Variants in ADGRB3 observed in about 807,000 individuals in gnomAD.
ADGRB3 encodes brain-specific angiogenesis inhibitor 3.
ADGRB3 carries 37 observed loss-of-function variants against 193.4 expected under a neutral mutation model. The observed-to-expected ratio is 0.19, with a 90% confidence interval of 0.15 to 0.25. ADGRB3 has a LOEUF of 0.25. Among genes scored for constraint, ADGRB3 ranks in the 10% least tolerant of loss-of-function variants. The pLI is 1.00. For missense variants in ADGRB3, 1,637 were observed against 1,852.9 expected (o/e 0.88, Z 2.14); for synonymous variants, 690 against 644.2 (o/e 1.07, Z -1.08).
At chr6:69,076,332 C>T (rs947529982) in intron 17 of ADGRB3, among the ~76,000 whole-genome samples, 2 of 152,000 alleles carry the variant, frequency 1.3e-5, no homozygotes, top group African/African-American at 2.4e-5. Context: ...GATAGAAGCT[C>T]GAATGCCATC....
rs977333811 is a variant in ADGRB3 at position 69,233,273 on chromosome 6, C to G, written c.2481-17C>G. 2.5e-6 allele frequency: 4 copies of G among 1,612,460 alleles called. No homozygotes were observed. Among genetic ancestry groups the G allele is most frequent in the African/African-American group, 1.3e-5 (1 of 74,930 alleles). ...CGTATTTATCCCGATTTCCTCCCCC[C>G]TCACTCCCCTTTGCAGGAACGAGTC... On this transcript the variant is annotated splice_polypyrimidine_tract_variant and intron_variant, in intron 17 of 31. Coordinates refer to ENST00000370598, the MANE Select transcript of ADGRB3 (RefSeq NM_001704.3).
chr6:69,210,028 C>G (rs1040220467), intron 17 of ADGRB3, among the ~76,000 whole-genome samples: 5 of 150,694 alleles, frequency 3.3e-5, no homozygotes, highest in Non-Finnish European at 5.9e-5. Flanking sequence ...CTCTGCTCCT[C>G]TAGAACCACT....
chr6:69,200,798 C>A (rs1336503002), intron 17 of ADGRB3, among the ~76,000 whole-genome samples: 1 of 151,998 alleles, frequency 6.6e-6, no homozygotes, highest in South Asian at 2.1e-4. Context: ...GAAGCCAACT[C>A]CTACATCCCC....
chr6:69,184,526 T>A (rs1202929694), intron 17 of ADGRB3, among the ~76,000 whole-genome samples: 1 of 152,138 alleles, frequency 6.6e-6, no homozygotes, highest in East Asian at 1.9e-4. Context: ...TTCTGTGACA[T>A]AAAATTTATC....
At chr6:69,085,595 T>A (rs915293479) in intron 17 of ADGRB3, among the ~76,000 whole-genome samples, 7 of 151,910 alleles carry the variant, frequency 4.6e-5, no homozygotes, top group Admixed American at 2.0e-4. Context: ...TTAGCTTTTA[T>A]AAACAAAAGA....
At position 69,080,262 on chromosome 6, in the gene ADGRB3, A is replaced by G. The variant is rs1024579924; in HGVS notation, c.2480+4224A>G. Among the ~76,000 whole-genome samples the G allele has an allele frequency of 3.9e-5, 6 of 152,062 alleles. 1 individual carries two copies. The highest frequency in any genetic ancestry group is 3.8e-4 in the East Asian group (2 of 5,200). ...CTGTGAATGATTGATATATCTATAC[A>G]TTAGGAAGACACAATATTATATGCC... On this transcript the variant is annotated intron_variant, in intron 17 of 31. Transcript: ENST00000370598.
At chr6:69,228,150 G>A (rs1252223786) in intron 17 of ADGRB3, among the ~76,000 whole-genome samples, 2 of 152,126 alleles carry the variant, frequency 1.3e-5, no homozygotes, top group African/African-American at 4.8e-5. Flanking sequence ...CCAGCTACTC[G>A]GGAGGCTGAG....
chr6:69,320,862 GTC>G (rs1768440558), intron 20 of ADGRB3, among the ~76,000 whole-genome samples: 1 of 120,974 alleles, frequency 8.3e-6, no homozygotes, highest in African/African-American at 3.1e-5. Flanking sequence ...TGTATCTTTA[GTC>G]TCTCCTACGC....
chr6:69,024,878 G>A (rs1770380150), intron 13 of ADGRB3, among the ~76,000 whole-genome samples: 1 of 152,078 alleles, frequency 6.6e-6, no homozygotes, highest in Non-Finnish European at 1.5e-5. Flanking sequence ...GGATCATGAG[G>A]TCAGGAGATC....
At chr6:68,933,521 A>T (rs1562091342) in intron 4 of ADGRB3, among the ~76,000 whole-genome samples, 1 of 152,220 alleles carries the variant, frequency 6.6e-6, no homozygotes, top group Non-Finnish European at 1.5e-5. Context: ...TGAATCAAGG[A>T]GGCAGAGGTT....
At chr6:68,833,410 CAG>C (rs1201256396) in intron 3 of ADGRB3, among the ~76,000 whole-genome samples, 6 of 151,400 alleles carry the variant, frequency 4.0e-5, no homozygotes, top group South Asian at 2.1e-4. Flanking sequence ...TTTTTGGTAT[CAG>C]AGCAACACAA....
At chr6:68,655,027 A>G (rs1456675803) in intron 3 of ADGRB3, among the ~76,000 whole-genome samples, 1 of 151,522 alleles carries the variant, frequency 6.6e-6, no homozygotes, top group Middle Eastern at 3.2e-3. Flanking sequence ...AGGAAGTCAC[A>G]TATATTATGT....
chr6:68,862,131 A>ACCCCCCCCCCCCCCC (rs34902902), intron 3 of ADGRB3, among the ~76,000 whole-genome samples: 1 of 141,350 alleles, frequency 7.1e-6, no homozygotes, highest in Non-Finnish European at 1.5e-5. Context: ...AGGAGGAGGG[A>ACCCCCCCCCCCCCCC]CCCCCCCCCC....
intron 20 of ADGRB3, among the ~76,000 whole-genome samples, chr6:69,317,141 T>G (rs1768330056): frequency 1.3e-5 from 2 of 151,542 alleles, no homozygotes; most frequent in Non-Finnish European, 3.0e-5. Context: ...TAATATTTAT[T>G]GTGGATTAAA....
intron 18 of ADGRB3, among the ~76,000 whole-genome samples, chr6:69,234,496 C>A (rs1013355907): frequency 4.6e-5 from 7 of 152,008 alleles, no homozygotes; most frequent in Non-Finnish European, 7.4e-5. Flanking sequence ...AGAAGCCAAG[C>A]AAGTACAATT....
intron 3 of ADGRB3, among the ~76,000 whole-genome samples, chr6:68,658,622 C>T (rs1012026685): frequency 1.3e-5 from 2 of 151,238 alleles, no homozygotes; most frequent in African/African-American, 4.8e-5. Context: ...TTACTTTTTA[C>T]TCACTAATAC....
At chr6:69,256,961 CAT>C (rs562398137) in intron 20 of ADGRB3, among the ~76,000 whole-genome samples, 18,326 of 152,030 alleles carry the variant, frequency 0.12, 1,178 homozygotes, top group Middle Eastern at 0.23. Flanking sequence ...TTGAGATAAT[CAT>C]GTGGTTTTTG....
chr6:68,782,272 G>T lies in ADGRB3; in HGVS notation c.757+142840G>T, dbSNP rs1444445927. 7.3e-5 allele frequency among the ~76,000 whole-genome samples: 11 copies of T among 151,502 alleles called. No individual in the cohort carries two copies. The East Asian group carries it at 2.2e-3, about 30-fold the overall frequency. ...TTTGCTGAGAATGATGGTTTCCAGC[G>T]TCATCTATGTCCCTACAAAGGACAT... On this transcript the variant is annotated intron_variant, in intron 3 of 31. Coordinates refer to ENST00000370598, the MANE Select transcript of ADGRB3 (RefSeq NM_001704.3).
rs79734800 is a variant in ADGRB3, at chr6:69,258,472, C to G, written c.2814+19246C>G. 4.3e-4 allele frequency among the ~76,000 whole-genome samples: 66 copies of G among 152,220 alleles called. No individual in the cohort carries two copies. The East Asian group carries it at 0.012, about 27-fold the overall frequency. On this transcript the variant is annotated intron_variant, in intron 20 of 31. Coordinates refer to ENST00000370598, the MANE Select transcript of ADGRB3 (RefSeq NM_001704.3). ...GGGAATTGTACTGATTATAAAAACA[C>G]TAGATACAGTTAATGCATTCAGCAA...
Sources: gnomAD v4.1 joint callset for allele counts (sites outside exome capture counted in the v4.1 genomes callset) on GRCh38, gnomAD v4.1.1 for gene constraint, MANE v1.5 for transcripts, NCBI Gene and HGNC (gene_info 2026-07-23, HGNC 2026-07-21) for gene names.